The following PRCC variants were observed in gnomAD, a reference collection of about 807,000 sequenced individuals.
PRCC encodes proline-rich protein PRCC.
A neutral mutation model predicts 44.0 loss-of-function variants in PRCC; 10 were observed. That is an observed-to-expected ratio of 0.23 (90% CI 0.14 to 0.39). The LOEUF (loss-of-function observed/expected upper bound fraction) is 0.39. Ranked by LOEUF, PRCC falls within the 10% of genes least tolerant of loss-of-function variation. The pLI is 1.00. For missense variants in PRCC, 573 were observed against 624.7 expected (o/e 0.92, Z 0.88); for synonymous variants, 278 against 259.5 (o/e 1.07, Z -0.69).
Position 156,767,718 on chromosome 1 carries a change from G to C in PRCC, c.-54G>C. 1 of 1,502,922 alleles carries C rather than the reference G, an allele frequency of 6.7e-7. No homozygotes were observed. The highest frequency in any genetic ancestry group is 1.3e-5 in the South Asian group (1 of 78,134). The allele number at this position is 1,502,922 out of a possible 1,614,324, so 93.1% of individuals were successfully genotyped here. ...GCCTACTAGGCCTCCGGGCATCCCC[G>C]GTCTCAAGTAGGCCTCATCTGCCGG... On this transcript the variant is annotated 5_prime_UTR_variant, in exon 1 of 7. Coordinates refer to ENST00000271526, the MANE Select transcript of PRCC (RefSeq NM_005973.5).
rs1335024930 is a variant in PRCC, at chr1:156,768,242, G to A, written c.468+3G>A. ...CGCCGGAGTTGCATAAGGGAGATGT[G>A]AGTATCCGGGGAAGGCACCCCCAAA... On this transcript the variant is annotated splice_donor_region_variant and intron_variant, in intron 1 of 6. Transcript: ENST00000271526. 6.5e-7 allele frequency: 1 copy of A among 1,539,546 alleles called. No homozygotes were observed. The highest frequency in any genetic ancestry group is 2.0e-5 in the Admixed American group (1 of 51,010).
At chr1:156,798,294 T>C (rs749268360) in intron 6 of PRCC, among the ~76,000 whole-genome samples, 3 of 152,050 alleles carry the variant, frequency 2.0e-5, no homozygotes, top group Non-Finnish European at 4.4e-5. Context: ...GCTGCAGCGA[T>C]AGCAACAACT....
intron 1 of PRCC, among the ~76,000 whole-genome samples, chr1:156,771,595 T>G (rs922466011): frequency 1.3e-5 from 2 of 152,318 alleles, no homozygotes. Context: ...TGCCATTTAT[T>G]GAGGGAATAC....
intron 1 of PRCC, among the ~76,000 whole-genome samples, chr1:156,779,222 T>G (rs1451750902): frequency 1.4e-5 from 2 of 143,192 alleles, no homozygotes; most frequent in African/African-American, 5.1e-5. Flanking sequence ...TGGCATGATT[T>G]TGGCTCACTG....
chr1:156,769,700 C>T (rs1651554138), intron 1 of PRCC, among the ~76,000 whole-genome samples: 2 of 152,012 alleles, frequency 1.3e-5, no homozygotes, highest in Non-Finnish European at 2.9e-5. Context: ...CCCGGGTTCA[C>T]GCCATTCTCC....
chr1:156,791,866 TAAA>T (rs1326161685), intron 4 of PRCC, 74 bp downstream of exon 4: 2 of 1,368,296 alleles, frequency 1.5e-6, no homozygotes, highest in Non-Finnish European at 2.0e-6. Context: ...CAAAGGAAAT[TAAA>T]AAAACACACA....
intron 1 of PRCC, among the ~76,000 whole-genome samples, chr1:156,781,309 G>A (rs1055793764): frequency 6.6e-6 from 1 of 152,140 alleles, no homozygotes; most frequent in Non-Finnish European, 1.5e-5. Flanking sequence ...AATTCAAAAA[G>A]GAACTTGTGA....
intron 2 of PRCC, among the ~76,000 whole-genome samples, chr1:156,783,295 G>T (rs1411287900): frequency 6.6e-6 from 1 of 152,186 alleles, no homozygotes; most frequent in Non-Finnish European, 1.5e-5. Context: ...GCTAGTAGAT[G>T]ATTTCCCTGC....
intron 1 of PRCC, among the ~76,000 whole-genome samples, chr1:156,776,231 TG>T (rs1006813190): frequency 4.1e-4 from 62 of 152,094 alleles, no homozygotes; most frequent in African/African-American, 1.5e-3. Flanking sequence ...TAACTGAGCA[TG>T]GTGGGCAAGT....
chr1:156,791,095 C>G (rs11264554), intron 3 of PRCC: 1 of 1,412,328 alleles, frequency 7.1e-7, no homozygotes, highest in Non-Finnish European at 9.5e-7. Context: ...GGCCACTCGC[C>G]TCTAAGGGGA....
intron 4 of PRCC, 33 bp from the exon 5 acceptor site, chr1:156,794,632 G>C: frequency 3.1e-6 from 5 of 1,612,706 alleles, no homozygotes; most frequent in Non-Finnish European, 4.2e-6. Flanking sequence ...CCCTTGCCCA[G>C]ATTCCTGACT....
intron 1 of PRCC, among the ~76,000 whole-genome samples, chr1:156,775,549 C>T (rs1288764106): frequency 4.7e-5 from 7 of 147,374 alleles, no homozygotes; most frequent in Non-Finnish European, 7.5e-5. Context: ...CTCGCTCTGT[C>T]GCCCAGGCTG....
chr1:156,796,917 G>A, intron 5 of PRCC: 1 of 212,162 alleles, frequency 4.7e-6, no homozygotes, highest in African/African-American at 2.3e-5. Context: ...CAGACTGACT[G>A]CACGCAGTTA....
chr1:156,791,396 G>A, intron 3 of PRCC: 2 of 472,448 alleles, frequency 4.2e-6, no homozygotes, highest in Non-Finnish European at 3.9e-6. Flanking sequence ...CTCTTAGGAA[G>A]TAGCTGAGGG....
At chr1:156,793,771 C>G (rs983559077) in intron 4 of PRCC, among the ~76,000 whole-genome samples, 1 of 151,976 alleles carries the variant, frequency 6.6e-6, no homozygotes, top group African/African-American at 2.4e-5. Flanking sequence ...GGACCACAGG[C>G]ACTCACCACC....
intron 1 of PRCC, among the ~76,000 whole-genome samples, chr1:156,776,783 G>T (rs113885269): frequency 1.3e-5 from 2 of 152,090 alleles, no homozygotes; most frequent in African/African-American, 4.8e-5. Flanking sequence ...CGTATTTGGG[G>T]AATCCATGAA....
At chr1:156,769,139 C>T (rs1482251146) in intron 1 of PRCC, among the ~76,000 whole-genome samples, 1 of 152,198 alleles carries the variant, frequency 6.6e-6, no homozygotes, top group African/African-American at 2.4e-5. Flanking sequence ...AAATTTATTG[C>T]CCTTGCTTTT....
chr1:156,794,643 C>G, intron 4 of PRCC, 22 bp from the exon 5 acceptor site: 1 of 1,613,642 alleles, frequency 6.2e-7, no homozygotes, highest in South Asian at 1.1e-5. Flanking sequence ...ATTCCTGACT[C>G]CTGCATTTTT....
Position 156,791,919 on chromosome 1 carries a change from C to T in PRCC, c.1179+127C>T. The stretch of plus-strand genomic sequence containing the variant: ...AACTGTATCAGGATTAGGTTGGCAA[C>T]ATGTAATGGAGAAACTCTAAATAAT... On this transcript the variant is annotated intron_variant, in intron 4 of 6. Coordinates refer to ENST00000271526, the MANE Select transcript of PRCC (RefSeq NM_005973.5). 3.6e-6 allele frequency: 3 copies of T among 822,812 alleles called. 1 individual carries two copies. The South Asian group carries it at 5.4e-5, about 15-fold the overall frequency. 51.0% of individuals were successfully genotyped at this position (822,812 alleles called of 1,614,324 possible). A position where few individuals can be genotyped will look rare whatever the true frequency, so the allele number is the denominator to read the frequency against.
Sources: gnomAD v4.1 joint callset for allele counts (sites outside exome capture counted in the v4.1 genomes callset) on GRCh38, gnomAD v4.1.1 for gene constraint, MANE v1.5 for transcripts, NCBI Gene and HGNC (gene_info 2026-07-23, HGNC 2026-07-21) for gene names.